The following CDC42BPA variants were observed in gnomAD, a reference collection of about 807,000 sequenced individuals.
The protein encoded by CDC42BPA is serine/threonine-protein kinase MRCK alpha.
In CDC42BPA, 80 loss-of-function variants were observed where a neutral mutation model predicts 223.5. The ratio of observed to expected loss-of-function variants is 0.36; its 90% confidence interval spans 0.30 to 0.43. The LOEUF (loss-of-function observed/expected upper bound fraction) is 0.43, where lower values mean the gene tolerates loss of function less well. Among genes scored for constraint, CDC42BPA ranks in the 20% least tolerant of loss-of-function variants. The pLI is 1.00. For missense variants in CDC42BPA, 1,743 were observed against 2,099.9 expected (o/e 0.83, Z 3.32); for synonymous variants, 694 against 718.6 (o/e 0.97, Z 0.55).
chr1:227,028,050 T>C (rs545001464), intron 30 of CDC42BPA, among the ~76,000 whole-genome samples: 47 of 151,610 alleles, frequency 3.1e-4, no homozygotes, highest in Non-Finnish European at 6.0e-4. Context: ...AGTGTAAGAG[T>C]TGGAGGCTGC....
At position 227,145,590 on chromosome 1, in the gene CDC42BPA, A is replaced by T. The variant is rs1363838227; in HGVS notation, c.1042T>A (p.Trp348Arg). Residue 348 changes from tryptophan to arginine, a missense_variant, in exon 8 of 37, where the codon TGG (tryptophan) becomes AGG (arginine). This residue lies in a region of CDC42BPA where 321 missense variants were observed against 488.7 expected (regional missense o/e 0.66). Transcript: ENST00000366766. ...KKHPFFSGID[W>R]DNIRNCEAPY... is the part of the protein sequence containing the mutation. ...GCTTCACAGTTCCGAATATTATCCC[A>T]ATCAATTCCACTGAAAAATGGGTGT... is the stretch of plus-strand genomic sequence containing the variant. 1 of 1,613,832 alleles carries T rather than the reference A, an allele frequency of 6.2e-7. No individual in the cohort carries two copies. Among genetic ancestry groups the T allele is most frequent in the Non-Finnish European group, 8.5e-7 (1 of 1,179,814 alleles).
chr1:227,220,415 C>G (rs1675688064), intron 2 of CDC42BPA, among the ~76,000 whole-genome samples: 1 of 147,038 alleles, frequency 6.8e-6, no homozygotes, highest in African/African-American at 2.5e-5. Context: ...TATATATATA[C>G]TTTGTCTTTT....
intron 11 of CDC42BPA, among the ~76,000 whole-genome samples, chr1:227,123,198 G>A (rs553242069): frequency 3.9e-5 from 6 of 152,110 alleles, no homozygotes; most frequent in South Asian, 2.1e-4. Context: ...TACTCGAGAA[G>A]GGCTGAGGCG....
intron 12 of CDC42BPA, among the ~76,000 whole-genome samples, chr1:227,114,976 C>T (rs1687539253): frequency 6.6e-6 from 1 of 151,930 alleles, no homozygotes; most frequent in South Asian, 2.1e-4. Context: ...AGAGAGTAAA[C>T]TAAAATGTCA....
intron 1 of CDC42BPA, among the ~76,000 whole-genome samples, chr1:227,261,124 C>CTTTTTTCTTTTTTTTT (rs1553422986): frequency 1.2e-4 from 14 of 121,002 alleles, no homozygotes; most frequent in Non-Finnish European, 2.2e-4. Flanking sequence ...TTGAGTTTTT[C>CTTTTTTCTTTTTTTTT]TTTTTTTTTG....
rs1191502130 is a variant in CDC42BPA, at chr1:227,060,031, T to TC, written c.2905-8047_2905-8046insG. On this transcript the variant is annotated intron_variant, in intron 21 of 36. Coordinates refer to ENST00000366766, the MANE Select transcript of CDC42BPA (RefSeq NM_001394014.1). ...AATTATCTCAAAAAGTTTTTTTTTG[T>TC]TTTTTTTTTTTTTTTTTGAGACGGG... is the stretch of plus-strand genomic sequence containing the variant. Among the ~76,000 whole-genome samples the TC allele has an allele frequency of 9.0e-5, 2 of 22,296 alleles. 1 individual carries two copies. Among genetic ancestry groups the TC allele is most frequent in the African/African-American group, 2.9e-4 (2 of 6,782 alleles). The allele number at this position is 22,296 out of a possible 152,430, so 14.6% of individuals were successfully genotyped here. A position where few individuals can be genotyped will look rare whatever the true frequency, so the allele number is the denominator to read the frequency against.
chr1:227,016,111 T>C lies in CDC42BPA; in HGVS notation c.4826A>G (p.Asp1609Gly), dbSNP rs774428577. ...FNHIAHMGPG[D>G]GIQILKDLPM... is the part of the protein sequence containing the mutation. ...CAGATCTTTCAGGATCTGTATTCCA[T>C]CTCCAGGACCCATGTGTGCTATGTG... Residue 1609 changes from aspartate (D) to glycine (G), a missense_variant, in exon 34 of 37, where the codon GAT (aspartate) becomes GGT (glycine). Transcript: ENST00000366766. 9 of 1,599,866 alleles carry C rather than the reference T, an allele frequency of 5.6e-6. No individual in the cohort carries two copies. The Admixed American group carries it at 1.0e-4, about 18-fold the overall frequency.
At chr1:227,163,382 T>G (rs1572073450) in intron 5 of CDC42BPA, among the ~76,000 whole-genome samples, 3 of 152,294 alleles carry the variant, frequency 2.0e-5, no homozygotes. Context: ...GATGAATATT[T>G]TAATAAATGT....
chr1:227,145,540 G>A lies in CDC42BPA; in HGVS notation c.1092C>T (p.Ser364=). 2.5e-6 allele frequency: 4 copies of A among 1,613,246 alleles called. No homozygotes were observed. The highest frequency in any genetic ancestry group is 3.4e-6 in the Non-Finnish European group (4 of 1,179,380). The stretch of plus-strand genomic sequence containing the variant: ...CATCAAAATTCGATGTATCTGTTGG[G>A]CTACTAACTTCTGGAATATAAGGTG... The part of the protein sequence containing the change: ...CEAPYIPEVS[S]PTDTSNFDVD... Residue 364 remains serine (S), a synonymous_variant, in exon 8 of 37, where the codon AGC becomes AGT. Transcript: ENST00000366766.
chr1:227,275,872 G>A (rs928060467), intron 1 of CDC42BPA, among the ~76,000 whole-genome samples: 21 of 152,324 alleles, frequency 1.4e-4, no homozygotes, highest in African/African-American at 3.4e-4. Context: ...CCGAGGTGCC[G>A]GGATTGCAGA....
At chr1:227,202,888 C>G (rs1345124268) in intron 3 of CDC42BPA, among the ~76,000 whole-genome samples, 1 of 152,016 alleles carries the variant, frequency 6.6e-6, no homozygotes, top group Non-Finnish European at 1.5e-5. Context: ...TATGATCACA[C>G]CATCGCACTC....
intron 1 of CDC42BPA, among the ~76,000 whole-genome samples, chr1:227,267,831 C>T (rs1685254395): frequency 6.6e-6 from 1 of 152,182 alleles, no homozygotes; most frequent in Non-Finnish European, 1.5e-5. Context: ...ATGATCCAAT[C>T]ACCTCCCACC....
intron 1 of CDC42BPA, among the ~76,000 whole-genome samples, chr1:227,304,207 G>C (rs1406380816): frequency 2.0e-5 from 3 of 152,252 alleles, no homozygotes; most frequent in African/African-American, 7.2e-5. Flanking sequence ...AGGAGTTCCA[G>C]GCCAGCCTGG....
intron 35 of CDC42BPA, among the ~76,000 whole-genome samples, chr1:227,001,744 T>C (rs1405552454): frequency 6.6e-6 from 1 of 151,922 alleles, no homozygotes; most frequent in Non-Finnish European, 1.5e-5. Context: ...CCGTCTCTAC[T>C]AAAAATACAG....
Position 227,008,035 on chromosome 1 carries a change from T to C in CDC42BPA, c.4858-2924A>G, listed in dbSNP as rs149415986. ...TTTGTCCTGGTTATAAGCAGGCATA[T>C]GGTTCCCTAGCCTCAGTTCTTTAGT... On this transcript the variant is annotated intron_variant, in intron 34 of 36. Transcript: ENST00000366766. 1.7e-3 allele frequency among the ~76,000 whole-genome samples: 263 copies of C among 152,344 alleles called. 3 individuals are homozygous for C. Among genetic ancestry groups the C allele is most frequent in the African/African-American group, 5.9e-3 (244 of 41,580 alleles).
At chr1:227,158,758 T>C (rs1393547669) in intron 6 of CDC42BPA, among the ~76,000 whole-genome samples, 2 of 152,124 alleles carry the variant, frequency 1.3e-5, no homozygotes, top group Non-Finnish European at 2.9e-5. Context: ...AGTATTCTGG[T>C]CTGTTTTCAA....
chr1:227,143,968 T>G (rs777124062), intron 8 of CDC42BPA, among the ~76,000 whole-genome samples: 1 of 152,156 alleles, frequency 6.6e-6, no homozygotes, highest in Non-Finnish European at 1.5e-5. Context: ...TTATAAAAAA[T>G]TGGTAAGAGA....
At chr1:227,168,514 G>GTTTTTTTTTTTTTTTTTT (rs1665523757) in intron 5 of CDC42BPA, among the ~76,000 whole-genome samples, 3 of 8,848 alleles carry the variant, frequency 3.4e-4, no homozygotes, top group African/African-American at 9.6e-4. Flanking sequence ...TTTTTTTTTT[G>GTTTTTTTTTTTTTTTTTT]AGGCAGAGTC....
chr1:227,227,385 A>G (rs926097598), intron 2 of CDC42BPA, among the ~76,000 whole-genome samples: 4 of 152,180 alleles, frequency 2.6e-5, no homozygotes, highest in Non-Finnish European at 5.9e-5. Context: ...TCATCTGTAA[A>G]TTTCAAATTA....
Sources: allele counts gnomAD v4.1 joint callset (sites outside exome capture counted in the v4.1 genomes callset), GRCh38; gene constraint gnomAD v4.1.1; regional missense constraint gnomAD v4.1.1; transcripts MANE v1.5; gene names NCBI Gene and HGNC (gene_info 2026-07-23, HGNC 2026-07-21).